MTCL1: variants seen among roughly 807,000 people sequenced by gnomAD.
The protein encoded by MTCL1 is microtubule cross-linking factor 1.
In MTCL1, 79 loss-of-function variants were observed where a neutral mutation model predicts 141.4. That is an observed-to-expected ratio of 0.56 (90% CI 0.47 to 0.67). MTCL1 has a LOEUF of 0.67. Among genes scored for constraint, MTCL1 ranks in the 30% least tolerant of loss-of-function variants. The pLI, the probability that MTCL1 is intolerant of heterozygous loss-of-function variation, is 0.00. For missense variants in MTCL1, 2,177 were observed against 2,113.9 expected (o/e 1.03, Z -0.59); for synonymous variants, 914 against 875.8 (o/e 1.04, Z -0.77).
At chr18:8,812,356 C>T (rs913112274) in intron 11 of MTCL1, among the ~76,000 whole-genome samples, 1 of 151,938 alleles carries the variant, frequency 6.6e-6, no homozygotes, top group Non-Finnish European at 1.5e-5. Flanking sequence ...ACTTTTTCTG[C>T]GTACAGAATT....
intron 10 of MTCL1, among the ~76,000 whole-genome samples, chr18:8,802,486 A>G (rs1402863119): frequency 6.6e-6 from 1 of 152,214 alleles, no homozygotes; most frequent in African/African-American, 2.4e-5. Flanking sequence ...CTTAGGCAAG[A>G]ACAATTTTGA....
intron 8 of MTCL1, among the ~76,000 whole-genome samples, chr18:8,793,509 C>G (rs1440975408): frequency 6.6e-6 from 1 of 152,214 alleles, no homozygotes; most frequent in Non-Finnish European, 1.5e-5. Context: ...CACCCTAAAC[C>G]ATTGCCTTCG....
intron 16 of MTCL1, chr18:8,829,096 G>C (rs1198686445): frequency 1.1e-5 from 17 of 1,535,748 alleles, no homozygotes; most frequent in Non-Finnish European, 8.8e-7. Context: ...CAAGTTCCAG[G>C]AGGTTCGCCT....
intron 4 of MTCL1, among the ~76,000 whole-genome samples, chr18:8,759,965 C>A (rs1354027684): frequency 6.6e-6 from 1 of 152,090 alleles, no homozygotes; most frequent in Non-Finnish European, 1.5e-5. Flanking sequence ...TCTGCTCCAC[C>A]ACAGCACATC....
chr18:8,790,660 A>G (rs989142876), intron 7 of MTCL1, among the ~76,000 whole-genome samples: 3 of 152,356 alleles, frequency 2.0e-5, no homozygotes, highest in South Asian at 2.1e-4. Context: ...CCTCTTAAAT[A>G]CATCGCTGAA....
At chr18:8,799,450 G>T (rs564629) in intron 10 of MTCL1, among the ~76,000 whole-genome samples, 115,330 of 152,144 alleles carry the variant, frequency 0.76, 44,233 homozygotes, top group Admixed American at 0.85. Flanking sequence ...GATGATACTT[G>T]CAAAGGAACT....
intron 15 of MTCL1, among the ~76,000 whole-genome samples, chr18:8,827,743 A>C (rs1177529004): frequency 1.3e-5 from 2 of 152,200 alleles, no homozygotes; most frequent in Non-Finnish European, 2.9e-5. Context: ...TGTTTATATT[A>C]CACACCAAAT....
chr18:8,807,154 ATG>A, intron 11 of MTCL1, 94 bp downstream of exon 10: 1 of 1,287,838 alleles, frequency 7.8e-7, no homozygotes, highest in East Asian at 2.6e-5. Flanking sequence ...ATTCAGAACC[ATG>A]GGCTTCTTGT....
chr18:8,758,305 A>G (rs1301073778), intron 4 of MTCL1, among the ~76,000 whole-genome samples: 1 of 152,040 alleles, frequency 6.6e-6, no homozygotes, highest in Non-Finnish European at 1.5e-5. Context: ...TTACAGGCGT[A>G]AGCCACCACG....
At chr18:8,770,615 G>C (rs59677167) in intron 4 of MTCL1, among the ~76,000 whole-genome samples, 4,599 of 152,082 alleles carry the variant, frequency 0.03, 201 homozygotes, top group East Asian at 0.079. Flanking sequence ...AGCACGTTGA[G>C]AATTAGGGCT....
At chr18:8,774,129 C>T (rs1173004613) in intron 4 of MTCL1, among the ~76,000 whole-genome samples, 1 of 152,200 alleles carries the variant, frequency 6.6e-6, no homozygotes, top group African/African-American at 2.4e-5. Context: ...AGTTTGTTTA[C>T]AAAACAGGCT....
intron 4 of MTCL1, among the ~76,000 whole-genome samples, chr18:8,768,510 A>T (rs2096469759): frequency 6.6e-6 from 1 of 152,204 alleles, no homozygotes; most frequent in African/African-American, 2.4e-5. Context: ...AAATAGTATG[A>T]GGAGTAACTC....
At chr18:8,826,227 A>G in exon 15 of MTCL1, 1 of 1,591,186 alleles carries the variant, frequency 6.3e-7, no homozygotes, top group Non-Finnish European at 8.6e-7. Context: ...GCCAGGGCCC[A>G]TGGAGGTAAT....
upstream of MTCL1, among the ~76,000 whole-genome samples, chr18:8,714,039 A>G (rs568654614): frequency 1.1e-4 from 17 of 152,212 alleles, no homozygotes; most frequent in Non-Finnish European, 1.9e-4. Flanking sequence ...TTGTGTCGTC[A>G]CTTGTCGAGC....
At chr18:8,741,690 A>C (rs535740089) in intron 4 of MTCL1, among the ~76,000 whole-genome samples, 1 of 152,218 alleles carries the variant, frequency 6.6e-6, no homozygotes, top group Non-Finnish European at 1.5e-5. Context: ...CAGACTCGCA[A>C]ATCAGTTAAT....
Position 8,830,394 on chromosome 18 carries a change from G to A in MTCL1, c.*19-1213G>A. ...TTTCTGCTGACCCCAGAGGGAGGCA[G>A]GGAAACCGCTCGCCCCATTGCTCTT... On this transcript the variant is annotated intron_variant, in intron 16 of 16. Coordinates refer to ENST00000359865, the Ensembl canonical transcript of MTCL1. The surrounding 1 kb of genome is among the most constrained non-coding windows in gnomAD (Gnocchi z 6.4). 1.0e-6 allele frequency: 1 copy of A among 985,568 alleles called. No homozygotes were observed. Among genetic ancestry groups the A allele is most frequent in the Non-Finnish European group, 1.2e-6 (1 of 830,024 alleles). The allele number at this position is 985,568 out of a possible 1,614,324, so 61.1% of individuals were successfully genotyped here.
upstream of MTCL1, among the ~76,000 whole-genome samples, chr18:8,715,080 G>A (rs1190126675): frequency 3.9e-5 from 6 of 152,220 alleles, no homozygotes; most frequent in Non-Finnish European, 8.8e-5. Context: ...ACAGGCGTGA[G>A]CCACCGCACC....
intron 4 of MTCL1, among the ~76,000 whole-genome samples, chr18:8,739,161 C>G (rs1327209367): frequency 6.6e-6 from 1 of 152,186 alleles, no homozygotes. Flanking sequence ...GGAAGGATCT[C>G]TTGAGCCCAG....
intron 7 of MTCL1, 102 bp downstream of exon 6, chr18:8,786,193 A>G (rs1002585628): frequency 7.7e-7 from 1 of 1,292,376 alleles, no homozygotes; most frequent in African/African-American, 1.6e-5. Flanking sequence ...CTGAGGGAAC[A>G]TGGCAGGAGG....
Sources: gnomAD v4.1 joint callset for allele counts (sites outside exome capture counted in the v4.1 genomes callset) on GRCh38, gnomAD v4.1.1 for gene constraint, Gnocchi (gnomAD v3.1) non-coding constraint, MANE v1.5 for transcripts, NCBI Gene and HGNC (gene_info 2026-07-23, HGNC 2026-07-21) for gene names.